DGKB: variants seen among roughly 807,000 people sequenced by gnomAD.
DGKB encodes diacylglycerol kinase beta.
Under a neutral mutation model 114.3 loss-of-function variants are expected in DGKB, and 67 were observed. That is an observed-to-expected ratio of 0.59 (90% CI 0.48 to 0.72). The LOEUF (loss-of-function observed/expected upper bound fraction) is 0.72, where lower values mean the gene tolerates loss of function less well. Ranked by LOEUF, DGKB falls within the 30% of genes least tolerant of loss-of-function variation. The pLI is 0.00. For synonymous variants in DGKB, 398 were observed against 323.1 expected, an observed-to-expected ratio of 1.23 and a Z score of -2.49; for missense variants, 907 against 975.2, an observed-to-expected ratio of 0.93 and a Z score of 0.93.
At chr7:14,678,651 T>C (rs1344671492) in intron 12 of DGKB, among the ~76,000 whole-genome samples, 1 of 152,012 alleles carries the variant, frequency 6.6e-6, no homozygotes, top group African/African-American at 2.4e-5. Flanking sequence ...CACAGAACTA[T>C]TATAGATTGC....
intron 20 of DGKB, among the ~76,000 whole-genome samples, chr7:14,573,074 A>T (rs1277973106): frequency 1.3e-5 from 2 of 152,194 alleles, no homozygotes; most frequent in Non-Finnish European, 2.9e-5. Flanking sequence ...TAAAATCATT[A>T]AAAAGTACAC....
rs78672916 is a variant in DGKB, at chr7:14,633,908, T to C, written c.1135-3640A>G. Reference sequence around the variant, plus strand: ...CAAAGAATTTTTTAAAATTCTATTATTCTTAAGTATTAGGATATCTCTTGT... The same window carrying C: ...CAAAGAATTTTTTAAAATTCTATTACTCTTAAGTATTAGGATATCTCTTGT... On this transcript the variant is annotated intron_variant, in intron 13 of 25. Transcript: ENST00000402815. Among the ~76,000 whole-genome samples the C allele has an allele frequency of 4.6e-3, 695 of 151,674 alleles. 2 individuals carry two copies. Among genetic ancestry groups the C allele is most frequent in the African/African-American group, 0.015 (637 of 41,518 alleles).
At chr7:14,825,010 G>A (rs1197897572) in intron 2 of DGKB, among the ~76,000 whole-genome samples, 1 of 75,476 alleles carries the variant, frequency 1.3e-5, no homozygotes, top group Non-Finnish European at 2.3e-5. Flanking sequence ...ATATATGTAT[G>A]TGTATGTATA....
At chr7:14,784,112 T>C (rs1490889514) in intron 2 of DGKB, among the ~76,000 whole-genome samples, 1 of 152,150 alleles carries the variant, frequency 6.6e-6, no homozygotes, top group African/African-American at 2.4e-5. Flanking sequence ...ATTCTTGCAT[T>C]CTTGAAGTAA....
chr7:14,637,528 A>ATG (rs1194266671), intron 13 of DGKB, among the ~76,000 whole-genome samples: 3 of 151,274 alleles, frequency 2.0e-5, no homozygotes, highest in African/African-American at 7.3e-5. Flanking sequence ...TTATATATAT[A>ATG]TGTGTGTATA....
At chr7:14,167,453 T>C (rs530323782) in intron 25 of DGKB, among the ~76,000 whole-genome samples, 1 of 152,120 alleles carries the variant, frequency 6.6e-6, no homozygotes, top group South Asian at 2.1e-4. Flanking sequence ...ACAAAAGCCT[T>C]GGATTATTGG....
At chr7:14,612,931 A>G (rs1805831564) in intron 16 of DGKB, among the ~76,000 whole-genome samples, 1 of 152,172 alleles carries the variant, frequency 6.6e-6, no homozygotes, top group Non-Finnish European at 1.5e-5. Flanking sequence ...CAAAATGCAC[A>G]TGCAGAAAAT....
intron 1 of DGKB, among the ~76,000 whole-genome samples, chr7:14,900,309 C>T (rs797012705): frequency 5.9e-5 from 9 of 152,236 alleles, no homozygotes; most frequent in African/African-American, 1.9e-4. Context: ...CAGGAATAGG[C>T]TTCTTCACTA....
chr7:14,513,094 G>C (rs1042303663), intron 20 of DGKB, among the ~76,000 whole-genome samples: 3 of 152,004 alleles, frequency 2.0e-5, no homozygotes, highest in African/African-American at 7.2e-5. Context: ...ATGAATACGT[G>C]AAAGGAGATG....
chr7:14,304,632 G>T (rs149720922), intron 23 of DGKB, among the ~76,000 whole-genome samples: 11 of 152,188 alleles, frequency 7.2e-5, no homozygotes, highest in Admixed American at 2.6e-4. Context: ...AAGCATTGCC[G>T]ATTTAGTGTC....
At chr7:14,925,290 G>A (rs36856) in intron 1 of DGKB, among the ~76,000 whole-genome samples, 84,460 of 152,020 alleles carry the variant, frequency 0.56, 26,020 homozygotes, top group East Asian at 0.87. Context: ...TTAATGCTGA[G>A]GAGTAAAACC....
chr7:14,714,795 A>T (rs1368783909), intron 6 of DGKB, among the ~76,000 whole-genome samples: 1 of 152,210 alleles, frequency 6.6e-6, no homozygotes, highest in East Asian at 1.9e-4. Flanking sequence ...TGAATGTCTG[A>T]AATTAAGTGT....
intron 23 of DGKB, among the ~76,000 whole-genome samples, chr7:14,305,275 C>T (rs531120008): frequency 4.6e-5 from 7 of 152,236 alleles, no homozygotes; most frequent in Admixed American, 4.6e-4. Flanking sequence ...CTCTTTTTGA[C>T]CCCTTCTCTC....
At chr7:14,185,011 G>A (rs527275384) in intron 23 of DGKB, among the ~76,000 whole-genome samples, 5 of 152,216 alleles carry the variant, frequency 3.3e-5, no homozygotes, top group Admixed American at 2.0e-4. Flanking sequence ...CATAGTACTG[G>A]AAGTCCTAGT....
chr7:14,723,839 A>C (rs1417859915), intron 5 of DGKB, among the ~76,000 whole-genome samples: 1 of 152,184 alleles, frequency 6.6e-6, no homozygotes, highest in Middle Eastern at 3.2e-3. Flanking sequence ...TATGATTATC[A>C]CATTTCTAAG....
chr7:14,704,533 C>G (rs998917790), intron 6 of DGKB, among the ~76,000 whole-genome samples: 2 of 151,842 alleles, frequency 1.3e-5, no homozygotes, highest in Non-Finnish European at 2.9e-5. Context: ...CAGCTCCCAG[C>G]GAGACCGACG....
intron 23 of DGKB, among the ~76,000 whole-genome samples, chr7:14,283,950 A>G (rs2128459994): frequency 1.3e-5 from 2 of 152,310 alleles, no homozygotes; most frequent in South Asian, 4.1e-4. Context: ...GGACATAGGC[A>G]TGGGCAAGGA....
At chr7:14,795,629 T>C (rs1001385188) in intron 2 of DGKB, among the ~76,000 whole-genome samples, 11 of 152,022 alleles carry the variant, frequency 7.2e-5, no homozygotes, top group African/African-American at 2.4e-4. Context: ...CTAAAGGCAA[T>C]TGGAGTAATT....
intron 21 of DGKB, among the ~76,000 whole-genome samples, chr7:14,393,331 T>C (rs1821715720): frequency 6.6e-6 from 1 of 152,132 alleles, no homozygotes; most frequent in South Asian, 2.1e-4. Flanking sequence ...GTAACTGATT[T>C]GATGACAACG....
Sources: gnomAD v4.1 joint callset for allele counts (sites outside exome capture counted in the v4.1 genomes callset) on GRCh38, gnomAD v4.1.1 for gene constraint, MANE v1.5 for transcripts, NCBI Gene and HGNC (gene_info 2026-07-23, HGNC 2026-07-21) for gene names.